The following GABRG3 variants were observed in gnomAD, a reference collection of about 807,000 sequenced individuals.
GABRG3 encodes gamma-aminobutyric acid receptor subunit gamma-3.
In GABRG3, 25 loss-of-function variants were observed where a neutral mutation model predicts 48.8. The observed-to-expected ratio is 0.51, with a 90% CI of 0.37 to 0.72. The LOEUF (loss-of-function observed/expected upper bound fraction) is 0.72. GABRG3 is among the 30% of genes least tolerant of loss of function. The probability of loss-of-function intolerance (pLI) is 0.00; values close to 1 mark genes in which losing one functional copy is unlikely to be tolerated. For synonymous variants in GABRG3, 227 were observed against 217.6 expected (o/e 1.04, Z -0.38); for missense variants, 394 against 577.9 (o/e 0.68, Z 3.26).
chr15:27,375,033 A>T (rs1230841690), intron 5 of GABRG3, among the ~76,000 whole-genome samples: 1 of 152,020 alleles, frequency 6.6e-6, no homozygotes, highest in African/African-American at 2.4e-5. Flanking sequence ...AGAAAGGTGG[A>T]TAATTTTGGG....
intron 3 of GABRG3, among the ~76,000 whole-genome samples, chr15:27,315,780 T>C (rs1358745648): frequency 2.0e-5 from 3 of 152,246 alleles, no homozygotes; most frequent in African/African-American, 4.8e-5. Context: ...AAAATGTTCT[T>C]AGATTTATGT....
chr15:27,020,457 G>C (rs1187034790), intron 2 of GABRG3, among the ~76,000 whole-genome samples: 2 of 152,212 alleles, frequency 1.3e-5, no homozygotes, highest in Non-Finnish European at 2.9e-5. Flanking sequence ...TTTCGCCCAG[G>C]CTGGAGTGCA....
At chr15:27,210,487 CACAT>C (rs1402374857) in intron 3 of GABRG3, among the ~76,000 whole-genome samples, 2 of 152,216 alleles carry the variant, frequency 1.3e-5, no homozygotes, top group African/African-American at 4.8e-5. Flanking sequence ...TGCGTGCACA[CACAT>C]ACACATGCAC....
intron 3 of GABRG3, among the ~76,000 whole-genome samples, chr15:27,147,645 G>A (rs1327468250): frequency 2.0e-5 from 3 of 152,082 alleles, no homozygotes; most frequent in Non-Finnish European, 2.9e-5. Context: ...AAAATGGAAT[G>A]AAATGGGAAA....
At chr15:26,988,589 G>T (rs1895191762) in intron 2 of GABRG3, among the ~76,000 whole-genome samples, 1 of 151,996 alleles carries the variant, frequency 6.6e-6, no homozygotes, top group South Asian at 2.1e-4. Context: ...TAATAAAAAA[G>T]CCCAATCTAA....
intron 3 of GABRG3, among the ~76,000 whole-genome samples, chr15:27,242,369 G>A (rs982178171): frequency 3.9e-5 from 6 of 152,194 alleles, no homozygotes; most frequent in African/African-American, 1.2e-4. Context: ...TCTGGGCACA[G>A]AATAGTTATT....
At chr15:27,311,832 G>A (rs1893004126) in intron 3 of GABRG3, among the ~76,000 whole-genome samples, 1 of 152,080 alleles carries the variant, frequency 6.6e-6, no homozygotes, top group Non-Finnish European at 1.5e-5. Context: ...GAAAATCTCT[G>A]CTTGGGCTGA....
Position 27,307,478 on chromosome 15 carries a change from T to TATAGGTTTATATATTTATATATAAAC in GABRG3, c.271-19330_271-19329insTAGGTTTATATATTTATATATAAACA, listed in dbSNP as rs1566771328. The stretch of plus-strand genomic sequence containing the variant: ...AGGTTTATATATTTATATATAAACA[T>TATAGGTTTATATATTTATATATAAAC]AGGTTTATAGGTTTATATATTTATA... On this transcript the variant is annotated intron_variant, in intron 3 of 9. Coordinates refer to ENST00000615808, the MANE Select transcript of GABRG3 (RefSeq NM_033223.5). Among the ~76,000 whole-genome samples the TATAGGTTTATATATTTATATATAAAC allele has an allele frequency of 2.6e-3, 36 of 14,010 alleles. 4 individuals are homozygous for TATAGGTTTATATATTTATATATAAAC. The highest frequency in any genetic ancestry group is 6.7e-3 in the African/African-American group (32 of 4,790). 9.2% of individuals were successfully genotyped at this position (14,010 alleles called of 152,430 possible). A position where few individuals can be genotyped will look rare whatever the true frequency, so the allele number is the denominator to read the frequency against.
chr15:27,379,110 G>A (rs1292489237), intron 5 of GABRG3, among the ~76,000 whole-genome samples: 1 of 152,188 alleles, frequency 6.6e-6, no homozygotes, highest in Non-Finnish European at 1.5e-5. Context: ...ATCTTTCCCA[G>A]TCTCTCAAAT....
At chr15:27,199,783 G>C (rs1888621010) in intron 3 of GABRG3, among the ~76,000 whole-genome samples, 2 of 152,104 alleles carry the variant, frequency 1.3e-5, no homozygotes, top group Admixed American at 1.3e-4. Flanking sequence ...CCTAGTCTCA[G>C]ATATTTCTTT....
intron 3 of GABRG3, among the ~76,000 whole-genome samples, chr15:27,183,110 C>CT (rs199766914): frequency 4.5e-4 from 68 of 151,046 alleles, no homozygotes; most frequent in African/African-American, 1.5e-3. Context: ...TTACAGATGA[C>CT]TTTTTTTTTC....
chr15:27,357,571 C>G (rs1006173535), intron 5 of GABRG3, among the ~76,000 whole-genome samples: 4 of 151,362 alleles, frequency 2.6e-5, no homozygotes, highest in Non-Finnish European at 5.9e-5. Flanking sequence ...AAAAAAATAA[C>G]TCTATTATAC....
rs1305405390 is a variant in GABRG3 at position 27,352,432 on chromosome 15, G to A, written c.574+23544G>A. On this transcript the variant is annotated intron_variant, in intron 5 of 9. Transcript: ENST00000615808. The surrounding 1 kb of genome is among the most constrained non-coding windows in gnomAD (Gnocchi z 4.0). Reference sequence around the variant, plus strand: ...AATAACCCAGGAAATCCCACAAGATGTAAATCCAGGGTGAGCCAAGCAGAT... The same window carrying A: ...AATAACCCAGGAAATCCCACAAGATATAAATCCAGGGTGAGCCAAGCAGAT... Among the ~76,000 whole-genome samples the A allele has an allele frequency of 1.3e-5, 2 of 152,032 alleles. No homozygotes were observed. Among genetic ancestry groups the A allele is most frequent in the African/African-American group, 4.8e-5 (2 of 41,372 alleles).
intron 5 of GABRG3, among the ~76,000 whole-genome samples, chr15:27,400,866 T>C (rs1461951232): frequency 2.0e-5 from 3 of 152,050 alleles, no homozygotes; most frequent in African/African-American, 7.2e-5. Flanking sequence ...CGAAGATGTA[T>C]TTAACCTCAG....
chr15:27,466,219 A>G (rs1359652267), intron 5 of GABRG3, among the ~76,000 whole-genome samples: 2 of 152,228 alleles, frequency 1.3e-5, no homozygotes, highest in African/African-American at 2.4e-5. Context: ...AGACTTTACA[A>G]TATTCCATAG....
intron 3 of GABRG3, among the ~76,000 whole-genome samples, chr15:27,228,099 G>T (rs1889682520): frequency 6.6e-6 from 1 of 152,094 alleles, no homozygotes; most frequent in Non-Finnish European, 1.5e-5. Flanking sequence ...TTAGGTTTGG[G>T]GGTATATGTG....
intron 3 of GABRG3, among the ~76,000 whole-genome samples, chr15:27,200,004 GCTTTCTCCTTTCCTTCCTCC>G (rs1485330485): frequency 6.8e-6 from 1 of 147,842 alleles, no homozygotes; most frequent in Non-Finnish European, 1.5e-5. Flanking sequence ...TCTCTTCCTA[GCTTTCTCCTTTCCTTCCTCC>G]CTTACTTTCT....
chr15:26,974,800 ACATTTCTGATAATATTT>A lies in GABRG3; in HGVS notation c.54-2199_54-2183del, dbSNP rs1894906843. Reference sequence around the variant, plus strand: ...AAATTTTTGCAAGATGATAAAATTAACATTTCTGATAATATTTCAGATGACACGAAATATTTTTTAAA... The same window carrying A: ...AAATTTTTGCAAGATGATAAAATTAACAGATGACACGAAATATTTTTTAAA... On this transcript the variant is annotated intron_variant, in intron 1 of 9. Coordinates refer to ENST00000615808, the MANE Select transcript of GABRG3 (RefSeq NM_033223.5). This position sits in a 1 kb window ranked among gnomAD's most constrained non-coding sequence, Gnocchi z 4.3. Among the ~76,000 whole-genome samples, 2 of 151,606 alleles carry A rather than the reference ACATTTCTGATAATATTT, an allele frequency of 1.3e-5. No homozygotes were observed. Among genetic ancestry groups the A allele is most frequent in the African/African-American group, 4.8e-5 (2 of 41,338 alleles).
intron 3 of GABRG3, among the ~76,000 whole-genome samples, chr15:27,091,092 G>A (rs937814714): frequency 2.6e-5 from 4 of 152,190 alleles, no homozygotes; most frequent in African/African-American, 9.7e-5. Flanking sequence ...GAGAAAGGGT[G>A]CAGTCTTGTC....
Sources: allele counts gnomAD v4.1 joint callset (sites outside exome capture counted in the v4.1 genomes callset), GRCh38; gene constraint gnomAD v4.1.1; non-coding constraint Gnocchi (gnomAD v3.1); transcripts MANE v1.5; gene names NCBI Gene and HGNC (gene_info 2026-07-23, HGNC 2026-07-21).